Variants in ZNF678 observed in about 807,000 individuals in gnomAD.
ZNF678 encodes the protein zinc finger protein 678.
Under a neutral mutation model 3.0 loss-of-function variants are expected in ZNF678, and 5 were observed. The ratio of observed to expected loss-of-function variants is 1.69; its 90% CI spans 0.88 to 3.56. The LOEUF (loss-of-function observed/expected upper bound fraction) is 3.56. Ranked by LOEUF, ZNF678 falls within the 30% of genes most tolerant of loss-of-function variation. The pLI, the probability that ZNF678 is intolerant of heterozygous loss-of-function variation, is 0.00. For missense variants in ZNF678, 593 were observed against 605.0 expected, an observed-to-expected ratio of 0.98 and a Z score of 0.21; for synonymous variants, 218 against 199.6, an observed-to-expected ratio of 1.09 and a Z score of -0.78.
chr1:227,605,769 C>T (rs1033019192), intron 1 of ZNF678, among the ~76,000 whole-genome samples: 5 of 152,128 alleles, frequency 3.3e-5, no homozygotes, highest in Non-Finnish European at 4.4e-5. Flanking sequence ...GCTCAATATA[C>T]TCAATTTCAT....
At chr1:227,674,178 T>C (rs1659644947) in intron 5 of ZNF678, among the ~76,000 whole-genome samples, 2 of 152,156 alleles carry the variant, frequency 1.3e-5, no homozygotes, top group Admixed American at 6.6e-5. Context: ...CCTAAATAAA[T>C]GGTGGTGGTT....
intron 1 of ZNF678, among the ~76,000 whole-genome samples, chr1:227,642,614 A>G (rs981031760): frequency 6.6e-6 from 1 of 152,046 alleles, no homozygotes; most frequent in African/African-American, 2.4e-5. Context: ...TCCTGGCCTC[A>G]TAGGAATACC....
intron 1 of ZNF678, among the ~76,000 whole-genome samples, chr1:227,637,230 A>G (rs1487530514): frequency 6.6e-6 from 1 of 152,210 alleles, no homozygotes; most frequent in Non-Finnish European, 1.5e-5. Flanking sequence ...TTGTAGCTTC[A>G]GGTAAGAGCA....
In ZNF678 at chr1:227,651,033, A is replaced by G; in HGVS notation, c.42A>G (p.Glu14=). The G allele has an allele frequency of 6.2e-7, 1 of 1,613,686 alleles. No individual in the cohort carries two copies. The highest frequency in any genetic ancestry group is 1.1e-5 in the South Asian group (1 of 91,054). ...TTTGCATTGGTGTCTGTGCATTTGAAGGAGCAAACACCTCTACCAGTTTTT... is the reference window on the plus strand; with the variant it reads ...TTTGCATTGGTGTCTGTGCATTTGAGGGAGCAAACACCTCTACCAGTTTTT... The part of the protein sequence containing the change: ...ISLCIGVCAF[E]GANTSTSFYK... The change falls in exon 3 of 4, where the codon GAA becomes GAG. Residue 14 remains glutamate, a synonymous_variant. Coordinates refer to ENST00000343776, the MANE Select transcript of ZNF678 (RefSeq NM_001367909.1).
At chr1:227,654,079 T>C (rs1571916468) in intron 3 of ZNF678, among the ~76,000 whole-genome samples, 1 of 152,094 alleles carries the variant, frequency 6.6e-6, no homozygotes, top group Non-Finnish European at 1.5e-5. Flanking sequence ...TAACAAACTT[T>C]ACTTTCTATT....
intron 1 of ZNF678, among the ~76,000 whole-genome samples, chr1:227,613,127 C>T (rs529110309): frequency 6.6e-6 from 1 of 152,274 alleles, no homozygotes; most frequent in East Asian, 1.9e-4. Context: ...TCCCTTTGGA[C>T]TCCTTCTTGT....
chr1:227,593,220 C>G (rs1218593926), intron 1 of ZNF678, among the ~76,000 whole-genome samples: 1 of 152,266 alleles, frequency 6.6e-6, no homozygotes, highest in Non-Finnish European at 1.5e-5. Context: ...GTTTGGGCCT[C>G]TGGCCTGCCA....
At chr1:227,669,983 A>G (rs1354183670) in intron 5 of ZNF678, among the ~76,000 whole-genome samples, 1 of 152,230 alleles carries the variant, frequency 6.6e-6, no homozygotes, top group East Asian at 1.9e-4. Context: ...GTATTAAGAA[A>G]ACGTACATTT....
rs1171616158 is a variant in ZNF678, at chr1:227,656,473, TTTA to T, written c.*650_*652del. 3 of 151,806 alleles carry T rather than the reference TTTA, an allele frequency of 2.0e-5. No individual in the cohort carries two copies. Among genetic ancestry groups the T allele is most frequent in the African/African-American group, 7.2e-5 (3 of 41,402 alleles). 9.4% of individuals were successfully genotyped at this position (151,806 alleles called of 1,614,324 possible). A position where few individuals can be genotyped will look rare whatever the true frequency, so the allele number is the denominator to read the frequency against. On this transcript the variant is annotated 3_prime_UTR_variant, in exon 4 of 4. Transcript: ENST00000343776. ...AATTCATATCTCAAATAACTTGATT[TTTA>T]TTATATTTATTGTTTATGTTAAAGT...
chr1:227,631,706 G>A (rs987184534), intron 1 of ZNF678, among the ~76,000 whole-genome samples: 7 of 152,104 alleles, frequency 4.6e-5, no homozygotes, highest in Non-Finnish European at 5.9e-5. Context: ...TTTTTCCTGC[G>A]AGAAGGAGAA....
At position 227,589,151 on chromosome 1, in the gene ZNF678, C is replaced by T. The variant is rs532298842; in HGVS notation, c.-164+25427C>T. ...CAGAAGCTCTTTAGTTTAATTAGAT[C>T]CCATTTGCCAATTTTTGCTTTTGTT... On this transcript the variant is annotated intron_variant, in intron 1 of 3. Transcript: ENST00000343776. Among the ~76,000 whole-genome samples, 7 of 149,236 alleles carry T rather than the reference C, an allele frequency of 4.7e-5. No individual in the cohort carries two copies. In the South Asian group the frequency reaches 6.3e-4, roughly 13 times the overall value.
chr1:227,586,765 A>G (rs1018158549), intron 1 of ZNF678, among the ~76,000 whole-genome samples: 1 of 152,196 alleles, frequency 6.6e-6, no homozygotes, highest in Non-Finnish European at 1.5e-5. Context: ...TTAATAAGCT[A>G]AAGTCAGTTT....
chr1:227,625,973 T>A (rs1367127562), intron 1 of ZNF678, among the ~76,000 whole-genome samples: 1 of 151,950 alleles, frequency 6.6e-6, no homozygotes, highest in Non-Finnish European at 1.5e-5. Context: ...TGGGTGTGGG[T>A]GGTGAAAGTG....
At chr1:227,583,563 A>T (rs1657188142) in intron 1 of ZNF678, among the ~76,000 whole-genome samples, 1 of 151,994 alleles carries the variant, frequency 6.6e-6, no homozygotes, top group Non-Finnish European at 1.5e-5. Context: ...GACTCATTAG[A>T]AAAACTAAAA....
chr1:227,567,330 T>A (rs1656714546), intron 1 of ZNF678, among the ~76,000 whole-genome samples: 1 of 152,228 alleles, frequency 6.6e-6, no homozygotes, highest in Non-Finnish European at 1.5e-5. Context: ...ACTGGGCATT[T>A]TCTCATTTAA....
At chr1:227,643,858 CTTTTCT>C (rs1473825316) in intron 1 of ZNF678, among the ~76,000 whole-genome samples, 1 of 136,532 alleles carries the variant, frequency 7.3e-6, no homozygotes, top group Non-Finnish European at 1.5e-5. Flanking sequence ...CTTTTCTTTT[CTTTTCT>C]TTTTTTTTTT....
chr1:227,669,595 G>C (rs1452722350), intron 5 of ZNF678, among the ~76,000 whole-genome samples: 2 of 150,868 alleles, frequency 1.3e-5, no homozygotes, highest in African/African-American at 4.9e-5. Flanking sequence ...CTTGTAGTGA[G>C]CTGAAATCGT....
chr1:227,642,203 CAG>C (rs749118921), intron 1 of ZNF678, among the ~76,000 whole-genome samples: 3 of 152,176 alleles, frequency 2.0e-5, no homozygotes, highest in African/African-American at 4.8e-5. Flanking sequence ...ATAGAAAACT[CAG>C]GGGAGACATC....
At chr1:227,564,878 C>T (rs1571849511) in intron 1 of ZNF678, among the ~76,000 whole-genome samples, 1 of 148,870 alleles carries the variant, frequency 6.7e-6, no homozygotes, top group Admixed American at 6.7e-5. Context: ...ATTACAGACC[C>T]GCGCCACCAC....
Sources: allele counts gnomAD v4.1 joint callset (sites outside exome capture counted in the v4.1 genomes callset), GRCh38; gene constraint gnomAD v4.1.1; transcripts MANE v1.5; gene names NCBI Gene and HGNC (gene_info 2026-07-23, HGNC 2026-07-21).